Variants in DNAH11 observed in about 807,000 individuals in gnomAD.
DNAH11 encodes dynein axonemal heavy chain 11.
Under a neutral mutation model 526.0 loss-of-function variants are expected in DNAH11, and 442 were observed. The observed-to-expected ratio is 0.84, with a 90% CI of 0.78 to 0.91. DNAH11 has a LOEUF of 0.91. Ranked by LOEUF, DNAH11 falls within the 40% of genes least tolerant of loss-of-function variation. The pLI is 0.00. For missense variants in DNAH11, 6,989 were observed against 5,448.7 expected (o/e 1.28, Z -8.90); for synonymous variants, 2,461 against 1,935.9 (o/e 1.27, Z -7.12).
In DNAH11 at chr7:21,675,426, G is replaced by T. The variant is rs562590980; in HGVS notation, c.5329-6120G>T. Reference sequence around the variant, plus strand: ...CAACCTAAATCCTGCTCATTCTTTAGGTCTTAGTATACATTCCTCTAAAGT... The same window carrying T: ...CAACCTAAATCCTGCTCATTCTTTATGTCTTAGTATACATTCCTCTAAAGT... On this transcript the variant is annotated intron_variant, in intron 30 of 81. Coordinates refer to ENST00000409508, the MANE Select transcript of DNAH11 (RefSeq NM_001277115.2). Among the ~76,000 whole-genome samples, 4 of 152,286 alleles carry T rather than the reference G, an allele frequency of 2.6e-5. No individual in the cohort carries two copies. In the South Asian group the frequency reaches 6.2e-4, roughly 24 times the overall value.
chr7:21,650,665 G>C (rs1012670379), intron 28 of DNAH11, among the ~76,000 whole-genome samples: 2 of 150,500 alleles, frequency 1.3e-5, no homozygotes, highest in South Asian at 4.2e-4. Context: ...TGGAGATGGA[G>C]TTTCGTTCTT....
chr7:21,552,992 G>A (rs1162526275), intron 2 of DNAH11, among the ~76,000 whole-genome samples: 1 of 150,792 alleles, frequency 6.6e-6, no homozygotes, highest in Non-Finnish European at 1.5e-5. Context: ...CGGGTGACAT[G>A]CAGGGTTTTA....
At chr7:21,549,138 C>G (rs886911775) in intron 2 of DNAH11, among the ~76,000 whole-genome samples, 2 of 152,186 alleles carry the variant, frequency 1.3e-5, no homozygotes, top group African/African-American at 2.4e-5. Context: ...CTTGGCCTCC[C>G]AAAGTCCTGG....
At chr7:21,712,000 A>T (rs553546823) in intron 42 of DNAH11, 140 bp downstream of exon 42, 15 of 1,026,784 alleles carry the variant, frequency 1.5e-5, no homozygotes, top group Non-Finnish European at 1.8e-5. Context: ...TATCTTCCCA[A>T]AGTGACACTC....
At chr7:21,745,829 G>C (rs1227504772) in intron 51 of DNAH11, among the ~76,000 whole-genome samples, 3 of 152,230 alleles carry the variant, frequency 2.0e-5, no homozygotes, top group Admixed American at 1.3e-4. Context: ...TCCCTGTGAA[G>C]AGGTGACATT....
intron 65 of DNAH11, among the ~76,000 whole-genome samples, chr7:21,829,798 C>T (rs1208465139): frequency 2.6e-5 from 4 of 152,128 alleles, no homozygotes; most frequent in African/African-American, 7.2e-5. Context: ...TTGAAATTCT[C>T]GTCTTGGTTA....
At chr7:21,674,150 C>T (rs1782762843) in intron 30 of DNAH11, among the ~76,000 whole-genome samples, 1 of 151,886 alleles carries the variant, frequency 6.6e-6, no homozygotes, top group South Asian at 2.1e-4. Context: ...ACCTCTGCCT[C>T]CTGGGTTCAA....
At chr7:21,792,693 A>G (rs57154069) in intron 61 of DNAH11, among the ~76,000 whole-genome samples, 21,770 of 152,060 alleles carry the variant, frequency 0.14, 1,599 homozygotes, top group African/African-American at 0.18. Flanking sequence ...ACATGTTCAT[A>G]GTAGTTTCTA....
intron 35 of DNAH11, 42 bp from the exon 36 acceptor site, chr7:21,698,033 C>T: frequency 6.4e-7 from 1 of 1,573,400 alleles, no homozygotes; most frequent in Non-Finnish European, 8.6e-7. Context: ...GTACTTATCA[C>T]CTTGTCACAT....
At chr7:21,756,880 C>T (rs1786662941) in intron 54 of DNAH11, among the ~76,000 whole-genome samples, 1 of 152,174 alleles carries the variant, frequency 6.6e-6, no homozygotes, top group African/African-American at 2.4e-5. Flanking sequence ...TGGCACGTGT[C>T]TTCCTTTAGT....
intron 47 of DNAH11, 150 bp from the exon 48 acceptor site, chr7:21,739,421 G>A: frequency 6.9e-6 from 4 of 580,428 alleles, no homozygotes; most frequent in Non-Finnish European, 1.2e-5. Flanking sequence ...CAGTTTTGAT[G>A]TCTCTCAAAT....
At chr7:21,640,310 A>G (rs946208883) in intron 28 of DNAH11, among the ~76,000 whole-genome samples, 4 of 152,342 alleles carry the variant, frequency 2.6e-5, no homozygotes, top group South Asian at 2.1e-4. Flanking sequence ...CTATGCTTCA[A>G]TAAGCCCCTG....
chr7:21,786,487 GCAAAGAATTGC>G, intron 58 of DNAH11, 126 bp from the exon 59 acceptor site: 1 of 1,090,528 alleles, frequency 9.2e-7, no homozygotes, highest in Admixed American at 2.8e-5. Context: ...TCCCCAGGTG[GCAAAGAATTGC>G]CAAATTGAGA....
chr7:21,617,202 C>T (rs759587682), intron 22 of DNAH11, among the ~76,000 whole-genome samples: 1 of 152,172 alleles, frequency 6.6e-6, no homozygotes, highest in African/African-American at 2.4e-5. Context: ...AAGAAACAGG[C>T]ACTCAAAGGT....
At chr7:21,717,601 A>G (rs1784714706) in intron 42 of DNAH11, among the ~76,000 whole-genome samples, 174 bp from the exon 43 acceptor site, 3 of 152,290 alleles carry the variant, frequency 2.0e-5, no homozygotes, top group Non-Finnish European at 4.4e-5. Flanking sequence ...CCATTAAAAC[A>G]AGTTTTTAAA....
In DNAH11 at chr7:21,880,597, A is replaced by G. The variant is rs1783880610; in HGVS notation, c.12196-105A>G. On this transcript the variant is annotated intron_variant, in intron 74 of 81. Coordinates refer to ENST00000409508, the MANE Select transcript of DNAH11 (RefSeq NM_001277115.2). Reference sequence around the variant, plus strand: ...TAGCCATGCTGAAGACTGCCTCTGTAGTATCTCACTCTCAAAGTTCTTTAC... The same window carrying G: ...TAGCCATGCTGAAGACTGCCTCTGTGGTATCTCACTCTCAAAGTTCTTTAC... 5 of 1,164,900 alleles carry G rather than the reference A, an allele frequency of 4.3e-6. No homozygotes were observed. In the East Asian group the frequency reaches 1.2e-4, roughly 27 times the overall value. The allele number at this position is 1,164,900 out of a possible 1,614,324, so 72.2% of individuals were successfully genotyped here. A position where few individuals can be genotyped will look rare whatever the true frequency, so the allele number is the denominator to read the frequency against.
At position 21,864,643 on chromosome 7, in the gene DNAH11, T is replaced by G; in HGVS notation, c.11482T>G (p.Trp3828Gly). 1 of 1,603,430 alleles carries G rather than the reference T, an allele frequency of 6.2e-7. No homozygotes were observed. The highest frequency in any genetic ancestry group is 1.1e-5 in the South Asian group (1 of 88,468). ...SPVDFLTSQS[W>G]SAIKAIAVME... Reference sequence around the variant, plus strand: ...CGTTGACTTCCTAACTTCTCAGTCATGGAGTGCTATCAAGGTATGTTAGGA... The same window carrying G: ...CGTTGACTTCCTAACTTCTCAGTCAGGGAGTGCTATCAAGGTATGTTAGGA... The change falls in exon 70 of 82, where the codon TGG becomes GGG. Residue 3828 changes from tryptophan (W) to glycine (G), a missense_variant. Transcript: ENST00000409508.
intron 65 of DNAH11, among the ~76,000 whole-genome samples, chr7:21,830,300 A>G (rs1790493716): frequency 6.6e-6 from 1 of 152,356 alleles, no homozygotes; most frequent in Non-Finnish European, 1.5e-5. Context: ...AATTCAATTT[A>G]TGAATCTATT....
At position 21,615,859 on chromosome 7, in the gene DNAH11, G is replaced by C. The variant is rs192157665; in HGVS notation, c.4012-350G>C. On this transcript the variant is annotated intron_variant, in intron 21 of 81. Coordinates refer to ENST00000409508, the MANE Select transcript of DNAH11 (RefSeq NM_001277115.2). ...GTTTATAATGGTTGAAAATTGTCATGTGAAAGCTTATTTAGTTACATGTAG... is the reference window on the plus strand; with the variant it reads ...GTTTATAATGGTTGAAAATTGTCATCTGAAAGCTTATTTAGTTACATGTAG... Among the ~76,000 whole-genome samples the C allele has an allele frequency of 8.9e-4, 136 of 152,240 alleles. 1 individual carries two copies. Among genetic ancestry groups the C allele is most frequent in the African/African-American group, 3.1e-3 (130 of 41,556 alleles).
Sources: gnomAD v4.1 joint callset for allele counts (sites outside exome capture counted in the v4.1 genomes callset) on GRCh38, gnomAD v4.1.1 for gene constraint, MANE v1.5 for transcripts, NCBI Gene and HGNC (gene_info 2026-07-23, HGNC 2026-07-21) for gene names.